ZFHX3: variants seen among roughly 807,000 people sequenced by gnomAD.
The protein encoded by ZFHX3 is zinc finger homeobox 3, also known as zinc finger homeobox protein 3.
Under a neutral mutation model 279.1 loss-of-function variants are expected in ZFHX3, and 42 were observed. That is an observed-to-expected ratio of 0.15 (90% CI 0.12 to 0.19). The LOEUF (loss-of-function observed/expected upper bound fraction) is 0.19. Among genes scored for constraint, ZFHX3 ranks in the 10% least tolerant of loss-of-function variants. The pLI is 1.00. For missense variants in ZFHX3, 4,981 were observed against 4,754.0 expected (o/e 1.05, Z -1.40); for synonymous variants, 2,293 against 1,957.8 (o/e 1.17, Z -4.52).
At chr16:73,319,767 G>A (rs2015535958) in intron 3 of ZFHX3, among the ~76,000 whole-genome samples, 5 of 152,162 alleles carry the variant, frequency 3.3e-5, no homozygotes, top group African/African-American at 9.7e-5. Context: ...AAAGCAGACT[G>A]AATCTTCCTA....
chr16:73,416,216 C>T (rs2017578250), intron 3 of ZFHX3, among the ~76,000 whole-genome samples: 1 of 151,858 alleles, frequency 6.6e-6, no homozygotes, highest in African/African-American at 2.4e-5. Flanking sequence ...CAAAGTCACA[C>T]AGTGAGCACA....
At chr16:73,267,357 C>A (rs1183240399) in intron 4 of ZFHX3, among the ~76,000 whole-genome samples, 1 of 151,994 alleles carries the variant, frequency 6.6e-6, no homozygotes, top group Non-Finnish European at 1.5e-5. Flanking sequence ...AAATGGCCAC[C>A]CCCAACTATG....
At chr16:72,887,029 A>G (rs1444103150) in intron 4 of ZFHX3, among the ~76,000 whole-genome samples, 1 of 152,262 alleles carries the variant, frequency 6.6e-6, no homozygotes, top group Non-Finnish European at 1.5e-5. Context: ...GGTACCCAAC[A>G]GCCCTTTCCT....
chr16:73,131,195 CATTACATAGCAGG>C, intron 6 of ZFHX3: 1 of 357,730 alleles, frequency 2.8e-6, no homozygotes, highest in Non-Finnish European at 5.9e-6. Context: ...CAACGCACAG[CATTACATAGCAGG>C]ACCTGCAAAA....
chr16:72,856,112 G>T (rs1416210998), intron 4 of ZFHX3, among the ~76,000 whole-genome samples: 1 of 152,242 alleles, frequency 6.6e-6, no homozygotes, highest in Admixed American at 6.5e-5. Context: ...CCAGCGCCTT[G>T]GGGTTAGTTT....
chr16:73,815,323 G>C (rs917189950), intron 1 of ZFHX3, among the ~76,000 whole-genome samples: 3 of 152,070 alleles, frequency 2.0e-5, no homozygotes, highest in African/African-American at 7.2e-5. Flanking sequence ...ACCAAGGTTC[G>C]TGACTCCTGT....
At chr16:73,403,794 A>G (rs1236004300) in intron 3 of ZFHX3, among the ~76,000 whole-genome samples, 2 of 152,142 alleles carry the variant, frequency 1.3e-5, no homozygotes, top group African/African-American at 4.8e-5. Flanking sequence ...AGGCCTGTCA[A>G]CCCCTGGGAG....
rs181105454 is a variant in ZFHX3, at chr16:73,575,819, G to A, written c.-1547+104361C>T. Among the ~76,000 whole-genome samples, 16 of 152,248 alleles carry A rather than the reference G, an allele frequency of 1.1e-4. No individual in the cohort carries two copies. In the East Asian group the frequency reaches 2.5e-3, roughly 24 times the overall value. ...AGAGCTGTGTGACCTGGGGCCATGTGAGTCTATCTCACTGGAGATGCTTTG... is the reference window on the plus strand; with the variant it reads ...AGAGCTGTGTGACCTGGGGCCATGTAAGTCTATCTCACTGGAGATGCTTTG... On this transcript the variant is annotated intron_variant, in intron 2 of 17. Coordinates refer to the ZFHX3 transcript ENST00000641206.
chr16:73,381,918 T>C (rs185479483), intron 3 of ZFHX3, among the ~76,000 whole-genome samples: 2 of 152,188 alleles, frequency 1.3e-5, no homozygotes, highest in Admixed American at 1.3e-4. Context: ...TAGACTTTGG[T>C]CTAAAATATT....
chr16:72,831,373 G>A (rs1234912038), intron 4 of ZFHX3, among the ~76,000 whole-genome samples: 2 of 151,882 alleles, frequency 1.3e-5, no homozygotes, highest in Non-Finnish European at 2.9e-5. Flanking sequence ...GTGAAATACG[G>A]TACTGTTTAT....
chr16:72,992,862 C>A (rs1046365320), intron 1 of ZFHX3, among the ~76,000 whole-genome samples: 1 of 152,230 alleles, frequency 6.6e-6, no homozygotes, highest in African/African-American at 2.4e-5. Flanking sequence ...AAAGGCCAGG[C>A]GCGATGGCCC....
intron 3 of ZFHX3, among the ~76,000 whole-genome samples, chr16:73,428,200 T>C (rs552496981): frequency 1.3e-5 from 2 of 152,216 alleles, no homozygotes; most frequent in South Asian, 2.1e-4. Context: ...CAGGCTATTG[T>C]CTTCTAGGTT....
At chr16:73,456,743 G>A (rs1001152016) in intron 2 of ZFHX3, among the ~76,000 whole-genome samples, 1 of 152,224 alleles carries the variant, frequency 6.6e-6, no homozygotes, top group African/African-American at 2.4e-5. Context: ...GGATCCAGAT[G>A]CACCTTCTAT....
chr16:73,822,015 G>A (rs926260172), intron 1 of ZFHX3, among the ~76,000 whole-genome samples: 1 of 152,090 alleles, frequency 6.6e-6, no homozygotes, highest in African/African-American at 2.4e-5. Context: ...GAGCACAGTT[G>A]AGGCACTGCC....
chr16:73,746,343 C>T (rs2053703347), intron 1 of ZFHX3, among the ~76,000 whole-genome samples: 1 of 152,072 alleles, frequency 6.6e-6, no homozygotes, highest in Non-Finnish European at 1.5e-5. Context: ...TTCAGGGTTC[C>T]TTTGTCTCTT....
intron 3 of ZFHX3, among the ~76,000 whole-genome samples, chr16:73,361,843 G>A (rs2016438239): frequency 6.6e-6 from 1 of 152,188 alleles, no homozygotes; most frequent in African/African-American, 2.4e-5. Flanking sequence ...GAAGGTGACA[G>A]TTCTCCCCCA....
At chr16:72,987,322 T>C (rs534135930) in intron 1 of ZFHX3, among the ~76,000 whole-genome samples, 124 of 152,284 alleles carry the variant, frequency 8.1e-4, no homozygotes, top group African/African-American at 2.7e-3. Flanking sequence ...ACATTTGCAA[T>C]TGAAGGGACA....
chr16:73,563,586 G>A (rs1017742977), intron 2 of ZFHX3, among the ~76,000 whole-genome samples: 1 of 152,048 alleles, frequency 6.6e-6, no homozygotes, highest in African/African-American at 2.4e-5. Flanking sequence ...ACAGTATTAG[G>A]GATGTGATTG....
At chr16:73,727,612 T>C (rs1293510131) in intron 1 of ZFHX3, among the ~76,000 whole-genome samples, 1 of 152,216 alleles carries the variant, frequency 6.6e-6, no homozygotes, top group Non-Finnish European at 1.5e-5. Flanking sequence ...GGACTCATTA[T>C]GCATTTTTCC....
Sources: gnomAD v4.1 joint callset for allele counts (sites outside exome capture counted in the v4.1 genomes callset) on GRCh38, gnomAD v4.1.1 for gene constraint, MANE v1.5 for transcripts, NCBI Gene and HGNC (gene_info 2026-07-23, HGNC 2026-07-21) for gene names.